The following DLC1 variants were observed in gnomAD, a reference collection of about 807,000 sequenced individuals.
The protein encoded by DLC1 is rho GTPase-activating protein 7.
DLC1 carries 54 observed loss-of-function variants against 140.3 expected under a neutral mutation model. That is an observed-to-expected ratio of 0.38 (90% CI 0.31 to 0.48). The LOEUF is 0.48. Among genes scored for constraint, DLC1 ranks in the 20% least tolerant of loss-of-function variants. The pLI, the probability that DLC1 is intolerant of heterozygous loss-of-function variation, is 0.96. For synonymous variants in DLC1, 986 were observed against 728.1 expected (o/e 1.35, Z -5.70); for missense variants, 2,536 against 1,907.0 (o/e 1.33, Z -6.14).
intron 5 of DLC1, among the ~76,000 whole-genome samples, chr8:13,169,501 A>T (rs1825316294): frequency 1.3e-5 from 2 of 152,202 alleles, no homozygotes; most frequent in South Asian, 4.1e-4. Context: ...TTCACTAAAG[A>T]ACAGCTTTTT....
At chr8:13,201,852 A>G (rs1827397229) in intron 5 of DLC1, among the ~76,000 whole-genome samples, 1 of 151,624 alleles carries the variant, frequency 6.6e-6, no homozygotes, top group Non-Finnish European at 1.5e-5. Flanking sequence ...TTATATAGGT[A>G]AACTCATGTC....
At chr8:13,591,780 A>T (rs905766596) in intron 1 of DLC1, among the ~76,000 whole-genome samples, 2 of 152,104 alleles carry the variant, frequency 1.3e-5, no homozygotes, top group Non-Finnish European at 2.9e-5. Flanking sequence ...ATTTGAGAGA[A>T]AGTGGATCCA....
chr8:13,248,404 C>A (rs1290453211), intron 5 of DLC1, among the ~76,000 whole-genome samples: 1 of 127,560 alleles, frequency 7.8e-6, no homozygotes, highest in African/African-American at 3.1e-5. Context: ...CTGAGAAAGA[C>A]TCTCTGACTC....
intron 2 of DLC1, among the ~76,000 whole-genome samples, chr8:13,466,242 C>CT (rs1284795833): frequency 1.3e-5 from 2 of 152,234 alleles, no homozygotes; most frequent in African/African-American, 4.8e-5. Context: ...CTCTCTCTTG[C>CT]TACCTACCTG....
chr8:13,460,072 G>A (rs2117018579), intron 2 of DLC1, among the ~76,000 whole-genome samples: 1 of 152,258 alleles, frequency 6.6e-6, no homozygotes, highest in South Asian at 2.1e-4. Context: ...TGCAGGACTG[G>A]CATCTAAGGC....
In DLC1 at chr8:13,225,874, G is replaced by A. The variant is rs977862410; in HGVS notation, c.1348+79395C>T. On this transcript the variant is annotated intron_variant, in intron 5 of 17. Transcript: ENST00000276297. ...TCGCGATCCGCCTGCCTTGGCCTCCGACTGTGCTGGGATTACAGGCGTGAG... is the reference window on the plus strand; with the variant it reads ...TCGCGATCCGCCTGCCTTGGCCTCCAACTGTGCTGGGATTACAGGCGTGAG... Among the ~76,000 whole-genome samples the A allele has an allele frequency of 2.0e-5, 3 of 151,948 alleles. No individual in the cohort carries two copies. The South Asian group carries it at 6.2e-4, about 32-fold the overall frequency.
At chr8:13,283,674 C>T (rs941332923) in intron 5 of DLC1, among the ~76,000 whole-genome samples, 5 of 152,124 alleles carry the variant, frequency 3.3e-5, no homozygotes, top group African/African-American at 1.2e-4. Flanking sequence ...ACCACTATGC[C>T]TGGCTTATTT....
At chr8:13,276,208 GT>G in intron 5 of DLC1, 1 of 1,527,554 alleles carries the variant, frequency 6.5e-7, no homozygotes, top group Non-Finnish European at 8.7e-7. Context: ...GCAGTAAATT[GT>G]TTTCTTTTTA....
intron 2 of DLC1, among the ~76,000 whole-genome samples, chr8:13,406,562 G>A (rs1023566164): frequency 3.3e-5 from 5 of 152,094 alleles, no homozygotes; most frequent in African/African-American, 1.2e-4. Flanking sequence ...GAATGATGTG[G>A]TGCCCATGTT....
intron 2 of DLC1, among the ~76,000 whole-genome samples, chr8:13,427,933 C>T (rs1027610521): frequency 1.3e-5 from 2 of 152,126 alleles, no homozygotes; most frequent in Non-Finnish European, 2.9e-5. Context: ...GTGGTCATTC[C>T]ACACTCTGAC....
In DLC1 at chr8:13,294,417, G is replaced by C. The variant is rs556344499; in HGVS notation, c.1348+10852C>G. ...GTACAAAAACGACCAGTTCAGACTT[G>C]ATGTGCTATAGTTATATCATTTCGG... is the stretch of plus-strand genomic sequence containing the variant. On this transcript the variant is annotated intron_variant, in intron 5 of 17. Transcript: ENST00000276297. Among the ~76,000 whole-genome samples the C allele has an allele frequency of 3.0e-4, 45 of 152,322 alleles. No homozygotes were observed. The South Asian group carries it at 5.6e-3, about 19-fold the overall frequency.
intron 5 of DLC1, among the ~76,000 whole-genome samples, chr8:13,239,869 T>A (rs943176535): frequency 6.6e-6 from 1 of 152,146 alleles, no homozygotes; most frequent in Admixed American, 6.5e-5. Context: ...TGGCTTGAAG[T>A]CCATCAGGAG....
intron 5 of DLC1, among the ~76,000 whole-genome samples, chr8:13,253,054 C>T (rs1482777916): frequency 6.6e-6 from 1 of 152,220 alleles, no homozygotes; most frequent in African/African-American, 2.4e-5. Flanking sequence ...GAGAAGCCAT[C>T]GTATGATCAA....
At chr8:13,176,274 C>A (rs1206134708) in intron 5 of DLC1, among the ~76,000 whole-genome samples, 2 of 152,052 alleles carry the variant, frequency 1.3e-5, no homozygotes, top group Non-Finnish European at 2.9e-5. Flanking sequence ...ATGAAAACTG[C>A]CTTCTAATAA....
chr8:13,394,574 G>T (rs1377493944), intron 3 of DLC1, among the ~76,000 whole-genome samples: 1 of 152,024 alleles, frequency 6.6e-6, no homozygotes, highest in African/African-American at 2.4e-5. Flanking sequence ...AATTGCAGAG[G>T]GGATGGAGCA....
intron 4 of DLC1, among the ~76,000 whole-genome samples, chr8:13,384,859 T>TG (rs1158488082): frequency 1.3e-5 from 2 of 152,072 alleles, no homozygotes; most frequent in Non-Finnish European, 2.9e-5. Flanking sequence ...AGGGAAGTAC[T>TG]GGGGGCAACT....
chr8:13,339,734 C>A (rs189308296), intron 4 of DLC1: 1 of 152,296 alleles, frequency 6.6e-6, no homozygotes, highest in South Asian at 2.1e-4. Flanking sequence ...ATAAAATACA[C>A]AAAGAGATTG....
intron 4 of DLC1, among the ~76,000 whole-genome samples, chr8:13,311,242 T>A (rs1233364023): frequency 6.6e-6 from 1 of 152,172 alleles, no homozygotes; most frequent in African/African-American, 2.4e-5. Context: ...ACTACAGGGC[T>A]TTTTGTGGCC....
At chr8:13,237,495 A>G (rs1829342631) in intron 5 of DLC1, among the ~76,000 whole-genome samples, 1 of 151,856 alleles carries the variant, frequency 6.6e-6, no homozygotes, top group Admixed American at 6.6e-5. Context: ...TTTGAGGTAC[A>G]GGTAGTTTTT....
Sources: gnomAD v4.1 joint callset for allele counts (sites outside exome capture counted in the v4.1 genomes callset) on GRCh38, gnomAD v4.1.1 for gene constraint, MANE v1.5 for transcripts, NCBI Gene and HGNC (gene_info 2026-07-23, HGNC 2026-07-21) for gene names.